Variants in IAH1 observed in about 807,000 individuals in gnomAD.
IAH1 encodes the protein isoamyl acetate hydrolyzing esterase 1 (putative), also known as isoamyl acetate-hydrolyzing esterase 1 homolog.
A neutral mutation model predicts 26.7 loss-of-function variants in IAH1; 24 were observed. That is an observed-to-expected ratio of 0.90 (90% CI 0.65 to 1.26). The LOEUF is 1.26. IAH1 is among the 50% of genes most tolerant of loss of function. IAH1 has a pLI of 0.00. For missense variants in IAH1, 300 were observed against 299.9 expected, an observed-to-expected ratio of 1.00 and a Z score of 0.00; for synonymous variants, 140 against 118.5, an observed-to-expected ratio of 1.18 and a Z score of -1.18.
the IAH1 span, chr2:9,505,480 AC>A: frequency 9.2e-7 from 1 of 1,092,114 alleles, no homozygotes; most frequent in Admixed American, 2.1e-5. Flanking sequence ...CATCAGAGCC[AC>A]CCTGGAGTTA....
intron 5 of IAH1, 141 bp downstream of exon 5, chr2:9,484,691 G>T (rs747693189): frequency 1.6e-6 from 1 of 606,320 alleles, no homozygotes; most frequent in Non-Finnish European, 2.9e-6. Context: ...AACAGGCTTG[G>T]GGGAGGGGAG....
At chr2:9,508,468 G>A in the IAH1 span, among the ~76,000 whole-genome samples, 1 of 152,268 alleles carries the variant, frequency 6.6e-6, no homozygotes, top group South Asian at 2.1e-4. Flanking sequence ...TCCATTTCAA[G>A]TATATAACTC....
At chr2:9,480,049 T>G (rs1661074288) in intron 3 of IAH1, among the ~76,000 whole-genome samples, 1 of 152,080 alleles carries the variant, frequency 6.6e-6, no homozygotes, top group East Asian at 1.9e-4. Context: ...CCTCAGGTGA[T>G]CCACCTGCCT....
the IAH1 span, among the ~76,000 whole-genome samples, chr2:9,509,479 A>T: frequency 6.6e-6 from 1 of 152,222 alleles, no homozygotes; most frequent in Admixed American, 6.5e-5. Flanking sequence ...CCTACTAGGC[A>T]CTGGAGATAG....
chr2:9,484,764 G>C (rs1661380198), intron 5 of IAH1: 1 of 526,468 alleles, frequency 1.9e-6, no homozygotes, highest in Admixed American at 3.3e-5. Flanking sequence ...TCCTTGGCTA[G>C]GAGTTAGTGC....
At chr2:9,477,820 C>T (rs1660911957) in intron 2 of IAH1, among the ~76,000 whole-genome samples, 1 of 152,142 alleles carries the variant, frequency 6.6e-6, no homozygotes, top group Non-Finnish European at 1.5e-5. Context: ...ATTCTATAGA[C>T]TGTTTAAATA....
At chr2:9,501,172 C>T (rs774967568), downstream of IAH1, among the ~76,000 whole-genome samples, 1 of 151,778 alleles carries the variant, frequency 6.6e-6, no homozygotes, top group Non-Finnish European at 1.5e-5. Flanking sequence ...TGGCTATTCA[C>T]AGGAGAAATC....
chr2:9,502,339 G>T, the IAH1 span: 2 of 1,408,904 alleles, frequency 1.4e-6, no homozygotes, highest in Non-Finnish European at 9.9e-7. Context: ...CAAATCAAAC[G>T]CTACAGTTAC....
At chr2:9,508,245 G>C in the IAH1 span, among the ~76,000 whole-genome samples, 87,384 of 152,022 alleles carry the variant, frequency 0.57, 26,346 homozygotes, top group African/African-American at 0.68. Flanking sequence ...ATATTTTACA[G>C]TTTCTATTAC....
chr2:9,509,937 C>T, the IAH1 span: 1 of 1,607,898 alleles, frequency 6.2e-7, no homozygotes, highest in South Asian at 1.1e-5. Flanking sequence ...TTATACACAG[C>T]CTCTTTCCAA....
chr2:9,497,230 G>A (rs1394373815), downstream of IAH1: 7 of 1,613,964 alleles, frequency 4.3e-6, no homozygotes, highest in African/African-American at 4.0e-5. Flanking sequence ...TCCTGGAGGC[G>A]GGCACTCACT....
intron 2 of IAH1, among the ~76,000 whole-genome samples, chr2:9,476,435 C>T (rs1660795888): frequency 6.6e-6 from 1 of 152,210 alleles, no homozygotes; most frequent in Admixed American, 6.5e-5. Context: ...ACAATTCTAC[C>T]GCACTTTGTT....
chr2:9,493,889 C>T, downstream of IAH1: 1 of 1,405,628 alleles, frequency 7.1e-7, no homozygotes, highest in South Asian at 1.2e-5. Context: ...AGCAATGTAG[C>T]TTTATAAAAA....
downstream of IAH1, chr2:9,490,030 AACTGTTTACCTGCAGGAAGTTCAAAC>A: frequency 6.9e-6 from 5 of 725,830 alleles, no homozygotes; most frequent in Non-Finnish European, 1.1e-5. Context: ...ACCACACAAG[AACTGTTTACCTGCAGGAAGTTCAAAC>A]ACATGACCAG....
intron 3 of IAH1, among the ~76,000 whole-genome samples, chr2:9,480,304 A>T (rs1171918475): frequency 6.6e-6 from 1 of 152,062 alleles, no homozygotes; most frequent in African/African-American, 2.4e-5. Context: ...GGAGTTTGAG[A>T]CCAGCCTGGG....
In IAH1 at chr2:9,481,077, G is replaced by A. The variant is rs576308280; in HGVS notation, c.284-209G>A. 5.3e-5 allele frequency among the ~76,000 whole-genome samples: 8 copies of A among 152,228 alleles called. No homozygotes were observed. The East Asian group carries it at 5.8e-4, about 11-fold the overall frequency. On this transcript the variant is annotated intron_variant, in intron 3 of 5. Transcript: ENST00000497473. Reference sequence around the variant, plus strand: ...GTGACGAAAAGACAAGAGTACTTACGGTGCCCCTAGTTAGAGCCTTTGAAG... The same window carrying A: ...GTGACGAAAAGACAAGAGTACTTACAGTGCCCCTAGTTAGAGCCTTTGAAG...
chr2:9,503,890 T>C, the IAH1 span, among the ~76,000 whole-genome samples: 11 of 149,832 alleles, frequency 7.3e-5, no homozygotes, highest in East Asian at 2.0e-3. Context: ...TGGTGCCTCA[T>C]ACCTAGAATC....
chr2:9,487,848 GCGC>G, intron 5 of IAH1, among the ~76,000 whole-genome samples: 1 of 143,138 alleles, frequency 7.0e-6, no homozygotes, highest in African/African-American at 2.5e-5. Flanking sequence ...GCGCGCGCGC[GCGC>G]TGTGGGGGGA....
At chr2:9,505,091 G>C in the IAH1 span, 1 of 1,485,158 alleles carries the variant, frequency 6.7e-7, no homozygotes, top group Non-Finnish European at 9.3e-7. Flanking sequence ...TAAAGCCCCT[G>C]CAAGTTCAGT....
Sources: allele counts gnomAD v4.1 joint callset (sites outside exome capture counted in the v4.1 genomes callset), GRCh38; gene constraint gnomAD v4.1.1; transcripts MANE v1.5; gene names NCBI Gene and HGNC (gene_info 2026-07-23, HGNC 2026-07-21).